HIBADH: variants seen among roughly 807,000 people sequenced by gnomAD.
The protein encoded by HIBADH is 3-hydroxyisobutyrate dehydrogenase, mitochondrial.
Under a neutral mutation model 36.1 loss-of-function variants are expected in HIBADH, and 25 were observed. That is an observed-to-expected ratio of 0.69 (90% CI 0.50 to 0.97). HIBADH has a LOEUF of 0.97. HIBADH is among the 50% of genes least tolerant of loss of function. The pLI, the probability that HIBADH is intolerant of heterozygous loss-of-function variation, is 0.00. For missense variants in HIBADH, 421 were observed against 418.0 expected, an observed-to-expected ratio of 1.01 and a Z score of -0.06; for synonymous variants, 160 against 149.5, an observed-to-expected ratio of 1.07 and a Z score of -0.51.
In HIBADH at chr7:27,536,386, GAATAT is replaced by G. The variant is rs547500505; in HGVS notation, c.695+1950_695+1954del. Among the ~76,000 whole-genome samples the G allele has an allele frequency of 3.2e-3, 492 of 152,110 alleles. 6 individuals are homozygous for G. Among genetic ancestry groups the G allele is most frequent in the African/African-American group, 0.011 (463 of 41,522 alleles). On this transcript the variant is annotated intron_variant, in intron 6 of 7. Coordinates refer to ENST00000265395, the MANE Select transcript of HIBADH (RefSeq NM_152740.4). ...TTTCTGCCTTGTGTTCAGACTTTTAGAATATATTTTATGTTATATATATCAGTATA... is the reference window on the plus strand; with the variant it reads ...TTTCTGCCTTGTGTTCAGACTTTTAGATTTTATGTTATATATATCAGTATA...
At chr7:27,618,210 C>T (rs191141737) in intron 4 of HIBADH, among the ~76,000 whole-genome samples, 13 of 152,306 alleles carry the variant, frequency 8.5e-5, no homozygotes, top group Admixed American at 5.2e-4. Flanking sequence ...GAGGCTGGGC[C>T]AGGCAAGCTG....
intron 4 of HIBADH, among the ~76,000 whole-genome samples, chr7:27,563,401 A>G (rs916739969): frequency 1.3e-5 from 2 of 152,202 alleles, no homozygotes; most frequent in Non-Finnish European, 1.5e-5. Context: ...CCAGGCTAGC[A>G]TGAAGGTTTA....
At chr7:27,583,409 T>C (rs556001131) in intron 4 of HIBADH, among the ~76,000 whole-genome samples, 1 of 152,050 alleles carries the variant, frequency 6.6e-6, no homozygotes, top group Non-Finnish European at 1.5e-5. Context: ...CAGTATCTCA[T>C]GATGCAGTCT....
In HIBADH at chr7:27,649,612, G is replaced by A. The variant is rs749745030; in HGVS notation, c.113C>T (p.Ser38Leu). The A allele has an allele frequency of 3.7e-6, 6 of 1,613,338 alleles. No homozygotes were observed. In the East Asian group the frequency reaches 1.3e-4, roughly 36 times the overall value. ...FAAVCSRSVA[S>L]KTPVGFIGLG... ...TCCAATGAATCCAACTGGAGTCTTT[G>A]AAGCCACTGACCTAGAACACACTGA... The change falls in exon 2 of 8, where the codon TCA becomes TTA. Residue 38 changes from serine (S) to leucine (L), a missense_variant. Transcript: ENST00000265395.
At position 27,658,540 on chromosome 7, in the gene HIBADH, T is replaced by C. The variant is rs142304354; in HGVS notation, c.91+4158A>G. On this transcript the variant is annotated intron_variant, in intron 1 of 7. Coordinates refer to ENST00000265395, the MANE Select transcript of HIBADH (RefSeq NM_152740.4). The stretch of plus-strand genomic sequence containing the variant: ...ATCAAAAAGCAGGTTTCACTAAGTG[T>C]CAAAATGCAAAAATTGGTAACAAGT... Among the ~76,000 whole-genome samples the C allele has an allele frequency of 6.6e-5, 10 of 152,324 alleles. No homozygotes were observed. In the East Asian group the frequency reaches 1.9e-3, roughly 29 times the overall value.
intron 4 of HIBADH, among the ~76,000 whole-genome samples, chr7:27,592,627 A>C (rs944205016): frequency 1.3e-5 from 2 of 152,148 alleles, no homozygotes; most frequent in African/African-American, 4.8e-5. Flanking sequence ...ACAAAAAAAA[A>C]CATGCGACAA....
In HIBADH at chr7:27,559,745, G is replaced by A. The variant is rs145415741; in HGVS notation, c.485-16645C>T. Among the ~76,000 whole-genome samples, 44 of 152,240 alleles carry A rather than the reference G, an allele frequency of 2.9e-4. No homozygotes were observed. The East Asian group carries it at 2.9e-3, about 10-fold the overall frequency. On this transcript the variant is annotated intron_variant, in intron 4 of 7. Coordinates refer to ENST00000265395, the MANE Select transcript of HIBADH (RefSeq NM_152740.4). ...ATTTTCTATTTCTGAATCTTTAAAC[G>A]TTTTATCTGTGGCCAGTTCTCCCCA...
At chr7:27,621,175 T>A (rs1361746769) in intron 4 of HIBADH, among the ~76,000 whole-genome samples, 1 of 152,122 alleles carries the variant, frequency 6.6e-6, no homozygotes. Context: ...TCCAGCAAGA[T>A]GATATAACAA....
intron 1 of HIBADH, among the ~76,000 whole-genome samples, chr7:27,650,972 T>G (rs1413429701): frequency 6.6e-6 from 1 of 152,170 alleles, no homozygotes; most frequent in Non-Finnish European, 1.5e-5. Context: ...GTATGGTCCC[T>G]GTCCTTTAAA....
At chr7:27,598,154 T>A in intron 4 of HIBADH, among the ~76,000 whole-genome samples, 1 of 152,118 alleles carries the variant, frequency 6.6e-6, no homozygotes, top group East Asian at 1.9e-4. Flanking sequence ...ACAGACTGCA[T>A]AAAAGCTATT....
intron 4 of HIBADH, among the ~76,000 whole-genome samples, chr7:27,582,216 T>C (rs1024784471): frequency 6.6e-6 from 1 of 152,160 alleles, no homozygotes; most frequent in African/African-American, 2.4e-5. Flanking sequence ...AGCTCTGAAA[T>C]GCAAAAGAGT....
rs560777501 is a variant in HIBADH, at chr7:27,535,651, A to C, written c.695+2690T>G. On this transcript the variant is annotated intron_variant, in intron 6 of 7. Transcript: ENST00000265395. ...CAAGTAGGGTACTTTCAGGACCATAAAACTATGCTTCTAATGCCTATGTAG... is the reference window on the plus strand; with the variant it reads ...CAAGTAGGGTACTTTCAGGACCATACAACTATGCTTCTAATGCCTATGTAG... Among the ~76,000 whole-genome samples the C allele has an allele frequency of 2.6e-5, 4 of 152,168 alleles. No homozygotes were observed. In the South Asian group the frequency reaches 8.3e-4, roughly 31 times the overall value.
intron 4 of HIBADH, among the ~76,000 whole-genome samples, chr7:27,567,655 G>C (rs189792126): frequency 6.6e-6 from 1 of 151,774 alleles, no homozygotes; most frequent in Non-Finnish European, 1.5e-5. Context: ...GTGTGCGTGC[G>C]TGCACACGTG....
At chr7:27,629,965 C>G (rs903393808) in intron 3 of HIBADH, among the ~76,000 whole-genome samples, 5 of 143,732 alleles carry the variant, frequency 3.5e-5, no homozygotes, top group African/African-American at 1.3e-4. Context: ...GAAGAATAAA[C>G]ATAAGCAATT....
intron 4 of HIBADH, among the ~76,000 whole-genome samples, chr7:27,605,162 A>C (rs1402435546): frequency 6.6e-6 from 1 of 152,126 alleles, no homozygotes; most frequent in African/African-American, 2.4e-5. Context: ...ATAGAACATG[A>C]ATACGTATTT....
chr7:27,578,560 G>A (rs775200934), intron 4 of HIBADH, among the ~76,000 whole-genome samples: 12 of 152,180 alleles, frequency 7.9e-5, no homozygotes, highest in African/African-American at 1.9e-4. Context: ...CAGGCAATCC[G>A]CCTGTCTCGG....
rs190882567 is a variant in HIBADH at position 27,590,645 on chromosome 7, T to G, written c.484+38726A>C. On this transcript the variant is annotated intron_variant, in intron 4 of 7. Coordinates refer to ENST00000265395, the MANE Select transcript of HIBADH (RefSeq NM_152740.4). ...ACCACCCACCTAATCCCTTTAGAGC[T>G]CTACATCTATCTACATACACCTCAG... 2.2e-3 allele frequency among the ~76,000 whole-genome samples: 334 copies of G among 152,314 alleles called. 1 individual carries two copies. Among genetic ancestry groups the G allele is most frequent in the African/African-American group, 7.8e-3 (325 of 41,566 alleles).
chr7:27,645,382 T>TTTTTTTGTTTTGTTTTTG (rs1786048676), intron 2 of HIBADH, among the ~76,000 whole-genome samples: 2 of 129,078 alleles, frequency 1.5e-5, no homozygotes, highest in African/African-American at 6.3e-5. Flanking sequence ...TTTTTTTTTT[T>TTTTTTTGTTTTGTTTTTG]TTTTTTTTTT....
At chr7:27,626,027 T>G (rs564723151) in intron 4 of HIBADH, among the ~76,000 whole-genome samples, 2 of 135,416 alleles carry the variant, frequency 1.5e-5, no homozygotes, top group South Asian at 4.9e-4. Flanking sequence ...TGCTTGACCC[T>G]GGGAGGCAGA....
Sources: gnomAD v4.1 joint callset for allele counts (sites outside exome capture counted in the v4.1 genomes callset) on GRCh38, gnomAD v4.1.1 for gene constraint, MANE v1.5 for transcripts, NCBI Gene and HGNC (gene_info 2026-07-23, HGNC 2026-07-21) for gene names.